TBC1D19: variants seen among roughly 807,000 people sequenced by gnomAD.
The protein encoded by TBC1D19 is TBC1 domain family member 19.
In TBC1D19, 60 loss-of-function variants were observed where a neutral mutation model predicts 89.0. That is an observed-to-expected ratio of 0.67 (90% CI 0.55 to 0.84). The LOEUF is 0.84. Ranked by LOEUF, TBC1D19 falls within the 40% of genes least tolerant of loss-of-function variation. The probability of loss-of-function intolerance (pLI) is 0.00; values close to 1 mark genes in which losing one functional copy is unlikely to be tolerated. For synonymous variants in TBC1D19, 189 were observed against 199.7 expected, an observed-to-expected ratio of 0.95 and a Z score of 0.45; for missense variants, 500 against 610.8, an observed-to-expected ratio of 0.82 and a Z score of 1.91.
intron 1 of TBC1D19, among the ~76,000 whole-genome samples, chr4:26,599,990 ATCT>A (rs1206508194): frequency 6.7e-6 from 1 of 148,516 alleles, no homozygotes; most frequent in Non-Finnish European, 1.5e-5. Context: ...TTGCTCACTC[ATCT>A]TCTAGATGAT....
At chr4:26,804,737 A>G in the TBC1D19 span, among the ~76,000 whole-genome samples, 1 of 152,194 alleles carries the variant, frequency 6.6e-6, no homozygotes, top group Non-Finnish European at 1.5e-5. Flanking sequence ...CGCAGGTGTC[A>G]GTGATTTGAG....
At chr4:26,669,209 CAGTT>C (rs1022086160) in intron 9 of TBC1D19, among the ~76,000 whole-genome samples, 1 of 151,752 alleles carries the variant, frequency 6.6e-6, no homozygotes, top group East Asian at 1.9e-4. Context: ...AAATCATACT[CAGTT>C]AGTGCAGTAT....
chr4:26,614,920 C>T (rs1266110944), intron 3 of TBC1D19, among the ~76,000 whole-genome samples: 1 of 152,114 alleles, frequency 6.6e-6, no homozygotes, highest in Non-Finnish European at 1.5e-5. Flanking sequence ...TCAAGTGATG[C>T]ACCTGCATTG....
the TBC1D19 span, among the ~76,000 whole-genome samples, chr4:26,793,608 A>G: frequency 6.6e-6 from 1 of 151,976 alleles, no homozygotes; most frequent in Non-Finnish European, 1.5e-5. Flanking sequence ...CTGTAATCCC[A>G]GCTACTCAGG....
chr4:26,771,791 G>A, the TBC1D19 span, among the ~76,000 whole-genome samples: 1 of 152,024 alleles, frequency 6.6e-6, no homozygotes, highest in Admixed American at 6.6e-5. Context: ...TTTGTTCAAA[G>A]GGTATGTCTC....
At chr4:26,653,991 C>T (rs114112443) in intron 7 of TBC1D19, among the ~76,000 whole-genome samples, 1,588 of 152,192 alleles carry the variant, frequency 0.01, 18 homozygotes, top group African/African-American at 0.034. Context: ...CAATTTGCCA[C>T]GTTTTTGCAG....
At chr4:26,753,794 T>G in intron 19 of TBC1D19, 26 bp from the exon 20 acceptor site, 1 of 1,613,640 alleles carries the variant, frequency 6.2e-7, no homozygotes, top group African/African-American at 1.3e-5. Flanking sequence ...AGGCCAGCAG[T>G]TGAAGTAGTG....
At chr4:26,798,483 A>G in the TBC1D19 span, among the ~76,000 whole-genome samples, 1 of 152,112 alleles carries the variant, frequency 6.6e-6, no homozygotes, top group Non-Finnish European at 1.5e-5. Context: ...CCTATGGAAA[A>G]TGGTATGGAG....
the TBC1D19 span, among the ~76,000 whole-genome samples, chr4:26,820,165 G>A: frequency 1.3e-5 from 2 of 152,038 alleles, no homozygotes; most frequent in African/African-American, 4.8e-5. Flanking sequence ...TTACTTTTTG[G>A]AGGATGAGAA....
rs548119645 is a variant in TBC1D19 at position 26,620,167 on chromosome 4, C to G, written c.219-446C>G. On this transcript the variant is annotated intron_variant, in intron 3 of 20. Transcript: ENST00000264866. ...CCTCAGAATTCTTGTGCTTGCCATC[C>G]CTTTGCCTGGAATATTCTTCCCCCA... is the stretch of plus-strand genomic sequence containing the variant. Among the ~76,000 whole-genome samples, 134 of 152,246 alleles carry G rather than the reference C, an allele frequency of 8.8e-4. 1 individual carries two copies. The highest frequency in any genetic ancestry group is 2.9e-3 in the African/African-American group (121 of 41,562).
At chr4:26,613,820 A>G (rs1414222630) in intron 2 of TBC1D19, among the ~76,000 whole-genome samples, 1 of 152,192 alleles carries the variant, frequency 6.6e-6, no homozygotes, top group Non-Finnish European at 1.5e-5. Flanking sequence ...TTCACAGAAA[A>G]TAAAAAGAAA....
At chr4:26,795,691 A>T in the TBC1D19 span, among the ~76,000 whole-genome samples, 3 of 152,180 alleles carry the variant, frequency 2.0e-5, no homozygotes, top group East Asian at 5.8e-4. Flanking sequence ...AAATTCAGAT[A>T]TAAGTTTGAT....
At chr4:26,782,414 T>A in the TBC1D19 span, among the ~76,000 whole-genome samples, 1 of 152,172 alleles carries the variant, frequency 6.6e-6, no homozygotes, top group Non-Finnish European at 1.5e-5. Flanking sequence ...GGTTTGAACT[T>A]CTCACTGGTG....
At chr4:26,672,842 A>G (rs747148622) in intron 10 of TBC1D19, among the ~76,000 whole-genome samples, 1 of 151,896 alleles carries the variant, frequency 6.6e-6, no homozygotes, top group Non-Finnish European at 1.5e-5. Flanking sequence ...GTATGATTTG[A>G]CACTTTTATT....
At chr4:26,820,321 C>T in the TBC1D19 span, among the ~76,000 whole-genome samples, 2 of 152,206 alleles carry the variant, frequency 1.3e-5, no homozygotes, top group East Asian at 1.9e-4. Flanking sequence ...TCTTCCCCAT[C>T]TCTTCCCTTC....
intron 4 of TBC1D19, among the ~76,000 whole-genome samples, chr4:26,628,703 T>C (rs1742596779): frequency 6.6e-6 from 1 of 151,996 alleles, no homozygotes; most frequent in Non-Finnish European, 1.5e-5. Context: ...CAAGCATTCT[T>C]ATACACCAAT....
chr4:26,813,771 T>C, the TBC1D19 span, among the ~76,000 whole-genome samples: 1 of 152,176 alleles, frequency 6.6e-6, no homozygotes, highest in African/African-American at 2.4e-5. Context: ...TCTCCTGGAT[T>C]CTACTCCATT....
intron 12 of TBC1D19, among the ~76,000 whole-genome samples, chr4:26,684,198 G>A (rs1045575537): frequency 7.9e-5 from 12 of 151,944 alleles, no homozygotes; most frequent in Non-Finnish European, 1.5e-4. Flanking sequence ...AGGTTTTAAG[G>A]TAGAGACACA....
chr4:26,604,666 G>A (rs1222843892), intron 1 of TBC1D19, among the ~76,000 whole-genome samples: 1 of 151,218 alleles, frequency 6.6e-6, no homozygotes, highest in African/African-American at 2.4e-5. Flanking sequence ...ACGAGGTTGG[G>A]AGATCGAGAC....
Sources: allele counts gnomAD v4.1 joint callset (sites outside exome capture counted in the v4.1 genomes callset), GRCh38; gene constraint gnomAD v4.1.1; transcripts MANE v1.5; gene names NCBI Gene and HGNC (gene_info 2026-07-23, HGNC 2026-07-21).